The following CCDC81 variants were observed in gnomAD, a reference collection of about 807,000 sequenced individuals.
CCDC81 encodes the protein coiled-coil domain-containing protein 81.
A neutral mutation model predicts 83.7 loss-of-function variants in CCDC81; 79 were observed. The observed-to-expected ratio is 0.94, with a 90% CI of 0.79 to 1.14. The LOEUF is 1.14. Ranked by LOEUF, CCDC81 falls within the 50% of genes most tolerant of loss-of-function variation. CCDC81 has a pLI of 0.00. For missense variants in CCDC81, 791 were observed against 778.1 expected (o/e 1.02, Z -0.20); for synonymous variants, 252 against 278.1 (o/e 0.91, Z 0.93).
chr11:86,408,418 G>T, intron 9 of CCDC81, 148 bp downstream of exon 9: 1 of 659,616 alleles, frequency 1.5e-6, no homozygotes. Flanking sequence ...CTGCAGCCTT[G>T]ACCTACTTGG....
chr11:86,374,913 G>T lies in CCDC81; in HGVS notation c.-251G>T. The T allele has an allele frequency of 2.1e-6, 1 of 465,284 alleles. No individual in the cohort carries two copies. Among genetic ancestry groups the T allele is most frequent in the Non-Finnish European group, 4.0e-6 (1 of 251,062 alleles). The allele number at this position is 465,284 out of a possible 1,614,324, so 28.8% of individuals were successfully genotyped here. ...CTCGGTGCCGGACATCAGTTCCTGCGGCTCTTGCTGTGGGAGCTGCCCGAG... is the reference window on the plus strand; with the variant it reads ...CTCGGTGCCGGACATCAGTTCCTGCTGCTCTTGCTGTGGGAGCTGCCCGAG... On this transcript the variant is annotated 5_prime_UTR_variant, in exon 1 of 15. Transcript: ENST00000445632.
rs577901991 is a variant in CCDC81 at position 86,410,869 on chromosome 11, C to G, written c.1218+1504C>G. Among the ~76,000 whole-genome samples the G allele has an allele frequency of 2.2e-4, 33 of 152,282 alleles. 1 individual carries two copies. The South Asian group carries it at 6.8e-3, about 32-fold the overall frequency. On this transcript the variant is annotated intron_variant, in intron 10 of 14. Coordinates refer to ENST00000445632, the MANE Select transcript of CCDC81 (RefSeq NM_001156474.2). ...TTCCGATCATTTGCAAGTCCAGTTG[C>G]CTTTACCTCCAAAATGTATCCAATA...
intron 3 of CCDC81, among the ~76,000 whole-genome samples, chr11:86,392,005 C>G (rs1474272993): frequency 6.6e-6 from 1 of 152,112 alleles, no homozygotes; most frequent in Non-Finnish European, 1.5e-5. Flanking sequence ...ATAGCTCACT[C>G]ATTATCATGA....
At position 86,375,144 on chromosome 11, in the gene CCDC81, G is replaced by C. The variant is rs1321618822; in HGVS notation, c.-20G>C. ...AGAGACCCATCGAACATTCAGTACG[G>C]AGTCACCTGGAAATTGGAGATGTTG... On this transcript the variant is annotated 5_prime_UTR_variant, in exon 1 of 15. Coordinates refer to ENST00000445632, the MANE Select transcript of CCDC81 (RefSeq NM_001156474.2). 2 of 1,608,398 alleles carry C rather than the reference G, an allele frequency of 1.2e-6. No individual in the cohort carries two copies. Among genetic ancestry groups the C allele is most frequent in the Non-Finnish European group, 1.7e-6 (2 of 1,175,050 alleles).
intron 14 of CCDC81, among the ~76,000 whole-genome samples, chr11:86,420,907 G>A (rs1395850109): frequency 1.3e-5 from 2 of 152,152 alleles, no homozygotes; most frequent in East Asian, 3.9e-4. Flanking sequence ...AAGGGCAGTT[G>A]GGGATTTCAA....
chr11:86,393,974 G>A (rs1190677059), intron 4 of CCDC81, among the ~76,000 whole-genome samples: 1 of 152,158 alleles, frequency 6.6e-6, no homozygotes, highest in Non-Finnish European at 1.5e-5. Flanking sequence ...TTGGGATGGG[G>A]ATTTAGGAAA....
intron 1 of CCDC81, among the ~76,000 whole-genome samples, chr11:86,383,282 C>G (rs1419694266): frequency 1.3e-5 from 2 of 152,198 alleles, no homozygotes; most frequent in South Asian, 4.1e-4. Flanking sequence ...TTGTTCAAAT[C>G]ATCCTTTACT....
intron 10 of CCDC81, among the ~76,000 whole-genome samples, chr11:86,409,983 C>A (rs1381268387): frequency 1.3e-5 from 2 of 152,198 alleles, no homozygotes; most frequent in Non-Finnish European, 2.9e-5. Context: ...CTAAGAGAAC[C>A]AGCAGTATCA....
At chr11:86,421,755 CAAAAGTACA>C (rs1948794339) in intron 14 of CCDC81, among the ~76,000 whole-genome samples, 1 of 151,922 alleles carries the variant, frequency 6.6e-6, no homozygotes, top group Non-Finnish European at 1.5e-5. Flanking sequence ...CCATCTCTAC[CAAAAGTACA>C]AAAATTAGCT....
intron 7 of CCDC81, among the ~76,000 whole-genome samples, chr11:86,405,894 T>C (rs1948559673): frequency 6.6e-6 from 1 of 151,812 alleles, no homozygotes; most frequent in East Asian, 1.9e-4. Context: ...TCCTGAGTAG[T>C]TGGGATTACA....
intron 6 of CCDC81, among the ~76,000 whole-genome samples, chr11:86,398,236 A>G (rs1948437329): frequency 6.6e-6 from 1 of 152,178 alleles, no homozygotes; most frequent in African/African-American, 2.4e-5. Flanking sequence ...CTTAGATCCT[A>G]TGACTCTCAG....
chr11:86,389,126 C>CA (rs1263716443), intron 3 of CCDC81, among the ~76,000 whole-genome samples: 4 of 152,052 alleles, frequency 2.6e-5, no homozygotes, highest in Non-Finnish European at 5.9e-5. Flanking sequence ...CCTGCCTCTA[C>CA]AAAAAATTAT....
intron 13 of CCDC81, among the ~76,000 whole-genome samples, chr11:86,417,321 A>T (rs575447460): frequency 4.3e-4 from 66 of 151,932 alleles, no homozygotes; most frequent in African/African-American, 1.5e-3. Flanking sequence ...AATTTTTTAA[A>T]TTTTTTTTGT....
chr11:86,386,996 C>G (rs953454359), intron 2 of CCDC81, among the ~76,000 whole-genome samples: 14 of 152,104 alleles, frequency 9.2e-5, no homozygotes, highest in African/African-American at 3.4e-4. Flanking sequence ...AATGATATCT[C>G]CAGGGAGACA....
At chr11:86,388,194 C>T (rs1383204616) in intron 3 of CCDC81, among the ~76,000 whole-genome samples, 1 of 132,890 alleles carries the variant, frequency 7.5e-6, no homozygotes, top group Non-Finnish European at 1.6e-5. Flanking sequence ...CCCTCCTTTC[C>T]TCCTTCCCTC....
chr11:86,406,566 G>A (rs1948568777), intron 7 of CCDC81, among the ~76,000 whole-genome samples: 1 of 152,082 alleles, frequency 6.6e-6, no homozygotes, highest in Non-Finnish European at 1.5e-5. Context: ...CAGCACTTTG[G>A]GAGGCCGAGG....
At chr11:86,395,286 T>A (rs1159490129) in intron 4 of CCDC81, 48 bp from the exon 5 acceptor site, 1 of 1,485,294 alleles carries the variant, frequency 6.7e-7, no homozygotes, top group South Asian at 1.2e-5. Flanking sequence ...TTTGTCTGAG[T>A]CCTGGACCTC....
At chr11:86,407,545 T>C in intron 7 of CCDC81, 69 bp from the exon 8 acceptor site, 2 of 1,027,372 alleles carry the variant, frequency 1.9e-6, no homozygotes, top group South Asian at 2.7e-5. Flanking sequence ...TATACTTGCC[T>C]CTAAAATTAT....
Position 86,397,789 on chromosome 11 carries a change from G to A in CCDC81, c.757+47G>A, listed in dbSNP as rs368686718. ...CCAATCTGTCACTCTTTACTGCTAT[G>A]AGCCCAGCCATATTGCTTAGCCCAA... is the stretch of plus-strand genomic sequence containing the variant. On this transcript the variant is annotated intron_variant, in intron 6 of 14. Coordinates refer to ENST00000445632, the MANE Select transcript of CCDC81 (RefSeq NM_001156474.2). 28 of 1,585,152 alleles carry A rather than the reference G, an allele frequency of 1.8e-5. No homozygotes were observed. In the African/African-American group the frequency reaches 2.4e-4, roughly 14 times the overall value.
Sources: gnomAD v4.1 joint callset for allele counts (sites outside exome capture counted in the v4.1 genomes callset) on GRCh38, gnomAD v4.1.1 for gene constraint, MANE v1.5 for transcripts, NCBI Gene and HGNC (gene_info 2026-07-23, HGNC 2026-07-21) for gene names.